RBM12B: variants seen among roughly 807,000 people sequenced by gnomAD.
The protein encoded by RBM12B is RNA-binding protein 12B.
RBM12B carries 10 observed loss-of-function variants against 34.3 expected under a neutral mutation model. The ratio of observed to expected loss-of-function variants is 0.29; its 90% confidence interval spans 0.18 to 0.49. RBM12B has a LOEUF of 0.49. Among genes scored for constraint, RBM12B ranks in the 20% least tolerant of loss-of-function variants. The probability of loss-of-function intolerance (pLI) is 0.99; values close to 1 mark genes in which losing one functional copy is unlikely to be tolerated. For missense variants in RBM12B, 1,139 were observed against 1,262.7 expected (o/e 0.90, Z 1.48); for synonymous variants, 477 against 437.1 (o/e 1.09, Z -1.14).
chr8:93,730,492 G>A lies in RBM12B; in HGVS notation c.*2913C>T, dbSNP rs1023013082. The A allele has an allele frequency of 6.6e-6, 1 of 152,200 alleles. No individual in the cohort carries two copies. The highest frequency in any genetic ancestry group is 2.4e-5 in the African/African-American group (1 of 41,450). The allele number at this position is 152,200 out of a possible 1,614,324, so 9.4% of individuals were successfully genotyped here. ...ACCTCCAGTGTACCTGGTATACCTT[G>A]AGGATAGGAGAGGAAAAACTGGCTA... On this transcript the variant is annotated 3_prime_UTR_variant, in exon 4 of 4. Coordinates refer to ENST00000520560, the MANE Select transcript of RBM12B (RefSeq NM_001377960.1).
intron 2 of RBM12B, 51 bp downstream of exon 2, chr8:93,740,578 C>G (rs1414607576): frequency 6.6e-6 from 3 of 451,446 alleles, no homozygotes; most frequent in South Asian, 4.7e-5. Flanking sequence ...GGGCCTGCAG[C>G]GCTTTTCTGC....
chr8:93,735,633 T>C lies in RBM12B; in HGVS notation c.778A>G (p.Asn260Asp). 1.2e-6 allele frequency: 2 copies of C among 1,614,106 alleles called. No homozygotes were observed. Among genetic ancestry groups the C allele is most frequent in the Non-Finnish European group, 1.7e-6 (2 of 1,179,960 alleles). Residue 260 changes from asparagine (N) to aspartate (D), a missense_variant, in exon 4 of 4, where the codon AAT becomes GAT. By Grantham distance (23) the Asn-to-Asp change is conservative (BLOSUM62 1). Coordinates refer to ENST00000520560, the MANE Select transcript of RBM12B (RefSeq NM_001377960.1). ...GACCGTTTTCGAAAATGTCTATCAT[T>C]AATTCCTCTTGGTGGAGAATGTTCT... ...SEEHSPPRGI[N>D]DRHFRKRSHS...
Position 93,730,431 on chromosome 8 carries a change from A to G in RBM12B, c.*2974T>C, listed in dbSNP as rs1286591333. The G allele has an allele frequency of 6.6e-6, 1 of 152,220 alleles. No homozygotes were observed. The highest frequency in any genetic ancestry group is 1.9e-4 in the East Asian group (1 of 5,200). The allele number at this position is 152,220 out of a possible 1,614,324, so 9.4% of individuals were successfully genotyped here. A position where few individuals can be genotyped will look rare whatever the true frequency, so the allele number is the denominator to read the frequency against. ...TTTCTAGACAAAAATGTTTGGCTTT[A>G]AGACAAATGCCACTGGGTATCAGGC... On this transcript the variant is annotated 3_prime_UTR_variant, in exon 4 of 4. Transcript: ENST00000520560.
chr8:93,729,534 C>T lies in RBM12B; in HGVS notation c.*3871G>A, dbSNP rs1811704643. The T allele has an allele frequency of 6.6e-6, 1 of 152,160 alleles. No individual in the cohort carries two copies. The highest frequency in any genetic ancestry group is 2.4e-5 in the African/African-American group (1 of 41,448). 9.4% of individuals were successfully genotyped at this position (152,160 alleles called of 1,614,324 possible). On this transcript the variant is annotated 3_prime_UTR_variant, in exon 4 of 4. Coordinates refer to ENST00000520560, the MANE Select transcript of RBM12B (RefSeq NM_001377960.1). ...ATTTGCCTTGTTTGTAAAGTTAAAACTGCGTAAAACAGTAATTCTGGAATA... is the reference window on the plus strand; with the variant it reads ...ATTTGCCTTGTTTGTAAAGTTAAAATTGCGTAAAACAGTAATTCTGGAATA...
In RBM12B at chr8:93,733,987, A is replaced by C; in HGVS notation, c.2424T>G (p.Asp808Glu). ...SREEDFRHPP[D>E]EDFRGPPDED... ...CATCAGGAGGGCCCCTGAAGTCTTC[A>C]TCTGGTGGGTGCCTGAAATCTTCCT... The change falls in exon 4 of 4, where the codon GAT (aspartate) becomes GAG (glutamate). Residue 808 changes from aspartate to glutamate, a missense_variant. This residue lies in a region of RBM12B where 863 missense variants were observed against 869.5 expected (regional missense o/e 0.99). Coordinates refer to ENST00000520560, the MANE Select transcript of RBM12B (RefSeq NM_001377960.1). 6.2e-7 allele frequency: 1 copy of C among 1,612,278 alleles called. No homozygotes were observed. The highest frequency in any genetic ancestry group is 8.5e-7 in the Non-Finnish European group (1 of 1,179,500).
Position 93,735,088 on chromosome 8 carries a change from C to G in RBM12B, c.1323G>C (p.Leu441=). The G allele has an allele frequency of 3.7e-6, 6 of 1,614,154 alleles. No individual in the cohort carries two copies. Among genetic ancestry groups the G allele is most frequent in the Non-Finnish European group, 5.1e-6 (6 of 1,180,036 alleles). The change falls in exon 4 of 4, where the codon CTG becomes CTC. Residue 441 remains leucine, a synonymous_variant. Transcript: ENST00000520560. ...YLLYDDKGVG[L]GEALVKFKSE... ...ATTTAAATTTCACTAATGCTTCTCC[C>G]AGACCAACACCTTTGTCATCATAAA... is the stretch of plus-strand genomic sequence containing the variant.
At chr8:93,740,517 C>G in intron 2 of RBM12B, 112 bp downstream of exon 2, 1 of 457,150 alleles carries the variant, frequency 2.2e-6, no homozygotes, top group South Asian at 1.5e-5. Flanking sequence ...AGAGGGTGAA[C>G]TGCCCCCAGA....
chr8:93,739,850 C>G (rs1450549667), intron 2 of RBM12B, among the ~76,000 whole-genome samples: 2 of 152,160 alleles, frequency 1.3e-5, no homozygotes, highest in African/African-American at 2.4e-5. Context: ...AACGATTCAT[C>G]CCACTTAATC....
rs775892927 is a variant in RBM12B, at chr8:93,735,939, A to C, written c.472T>G (p.Phe158Val). 2.5e-6 allele frequency: 4 copies of C among 1,614,222 alleles called. No homozygotes were observed. Among genetic ancestry groups the C allele is most frequent in the Non-Finnish European group, 3.4e-6 (4 of 1,180,042 alleles). ...RPLKAENPYL[F>V]LRGLPYLVNE... ...ACTAGGTAAGGCAAACCTCGTAGAA[A>C]CAAGTAAGGATTCTCGGCCTTCAAT... Residue 158 changes from phenylalanine to valine, a missense_variant, in exon 4 of 4, where the codon TTT becomes GTT. Transcript: ENST00000520560.
Position 93,734,843 on chromosome 8 carries a change from GCAC to G in RBM12B, c.1565_1567del (p.Gly522del). On this transcript the variant is annotated inframe_deletion, in exon 4 of 4. Coordinates refer to ENST00000520560, the MANE Select transcript of RBM12B (RefSeq NM_001377960.1). ...TAGCTGATGTCTAAAGTTTTCAAAA[GCAC>G]CAACTGAGTATATTGGTGGGTCTTT... The G allele has an allele frequency of 1.2e-6, 2 of 1,614,164 alleles. No homozygotes were observed. Among genetic ancestry groups the G allele is most frequent in the Non-Finnish European group, 1.7e-6 (2 of 1,180,030 alleles).
chr8:93,735,277 T>G lies in RBM12B; in HGVS notation c.1134A>C (p.Leu378=). ...AAACATGTCCGGGCCTATCTCTCTC[T>G]AGTGACCCTGATCTCTTCTTTTCAT... The part of the protein sequence containing the change: ...ARYEKKRSGS[L]ERDRPGHVSQ... Residue 378 remains leucine (L), a synonymous_variant, in exon 4 of 4, where the codon CTA becomes CTC. Coordinates refer to ENST00000520560, the MANE Select transcript of RBM12B (RefSeq NM_001377960.1). 6.2e-6 allele frequency: 10 copies of G among 1,614,024 alleles called. No homozygotes were observed. The highest frequency in any genetic ancestry group is 8.5e-6 in the Non-Finnish European group (10 of 1,179,996).
chr8:93,731,796 T>C lies in RBM12B; in HGVS notation c.*1609A>G, dbSNP rs1251655920. The C allele has an allele frequency of 2.0e-5, 3 of 152,588 alleles. No individual in the cohort carries two copies. The highest frequency in any genetic ancestry group is 7.2e-5 in the African/African-American group (3 of 41,436). The allele number at this position is 152,588 out of a possible 1,614,324, so 9.5% of individuals were successfully genotyped here. A position where few individuals can be genotyped will look rare whatever the true frequency, so the allele number is the denominator to read the frequency against. On this transcript the variant is annotated 3_prime_UTR_variant, in exon 4 of 4. Transcript: ENST00000520560. ...AATTATAAAAGGCCAAAGTCAATCA[T>C]GTTGAATAAAATAATTTTGAAATAT...
intron 2 of RBM12B, chr8:93,740,212 C>T (rs1210240012): frequency 2.3e-6 from 1 of 437,018 alleles, no homozygotes; most frequent in Non-Finnish European, 4.6e-6. Context: ...CCAATGAGAG[C>T]CACAGTCCCT....
rs758632473 is a variant in RBM12B at position 93,735,886 on chromosome 8, G to A, written c.525C>T (p.Phe175=). The part of the protein sequence containing the change: ...LVNEDDVRVF[F]SGLCVDGVIF... ...TTACTCCATCCACGCACAAACCAGA[G>A]AAAAAGACACGTACATCATCTTCAT... Residue 175 remains phenylalanine, a synonymous_variant, in exon 4 of 4, where the codon TTC becomes TTT. Transcript: ENST00000520560. 12 of 1,613,866 alleles carry A rather than the reference G, an allele frequency of 7.4e-6. No individual in the cohort carries two copies. Among genetic ancestry groups the A allele is most frequent in the Non-Finnish European group, 1.0e-5 (12 of 1,180,030 alleles).
At chr8:93,739,516 G>A (rs1812127016) in intron 2 of RBM12B, among the ~76,000 whole-genome samples, 1 of 152,106 alleles carries the variant, frequency 6.6e-6, no homozygotes. Flanking sequence ...AACACACCTT[G>A]GAGACCAACT....
At position 93,732,004 on chromosome 8, in the gene RBM12B, C is replaced by T. The variant is rs951485548; in HGVS notation, c.*1401G>A. On this transcript the variant is annotated 3_prime_UTR_variant, in exon 4 of 4. Coordinates refer to ENST00000520560, the MANE Select transcript of RBM12B (RefSeq NM_001377960.1). ...TGAAGTGAGAAAATAATCATTTATC[C>T]TTGAAAGTATCTTTAGCATGGTCTT... 2 of 152,024 alleles carry T rather than the reference C, an allele frequency of 1.3e-5. No homozygotes were observed. Among genetic ancestry groups the T allele is most frequent in the African/African-American group, 4.8e-5 (2 of 41,258 alleles). The allele number at this position is 152,024 out of a possible 1,614,324, so 9.4% of individuals were successfully genotyped here. A position where few individuals can be genotyped will look rare whatever the true frequency, so the allele number is the denominator to read the frequency against.
At position 93,735,112 on chromosome 8, in the gene RBM12B, A is replaced by G; in HGVS notation, c.1299T>C (p.Leu433=). 6.2e-7 allele frequency: 1 copy of G among 1,614,150 alleles called. No individual in the cohort carries two copies. Among genetic ancestry groups the G allele is most frequent in the Non-Finnish European group, 8.5e-7 (1 of 1,180,032 alleles). ...FLLAEDDIYL[L]YDDKGVGLGE... ...CCAGACCAACACCTTTGTCATCATA[A>G]AGCAAGTAAATGTCATCCTCAGCAA... Residue 433 remains leucine (L), a synonymous_variant, in exon 4 of 4, where the codon CTT becomes CTC. Coordinates refer to ENST00000520560, the MANE Select transcript of RBM12B (RefSeq NM_001377960.1).
In RBM12B at chr8:93,740,630, T is replaced by C; in HGVS notation, c.-79A>G. On this transcript the variant is annotated splice_region_variant and 5_prime_UTR_variant, in exon 2 of 4. In the 5' UTR this introduces an upstream ATG that the reference lacks. Coordinates refer to ENST00000520560, the MANE Select transcript of RBM12B (RefSeq NM_001377960.1). ...GACATAGCAAAGAAAAAAATATACCTATGAAATCCTTCGAGATCTTCACTC... is the reference window on the plus strand; with the variant it reads ...GACATAGCAAAGAAAAAAATATACCCATGAAATCCTTCGAGATCTTCACTC... 2.5e-6 allele frequency: 1 copy of C among 396,534 alleles called. No individual in the cohort carries two copies. The highest frequency in any genetic ancestry group is 5.0e-6 in the Non-Finnish European group (1 of 199,268). 24.6% of individuals were successfully genotyped at this position (396,534 alleles called of 1,614,324 possible). A position where few individuals can be genotyped will look rare whatever the true frequency, so the allele number is the denominator to read the frequency against.
Position 93,736,103 on chromosome 8 carries a change from A to C in RBM12B, c.308T>G (p.Val103Gly), listed in dbSNP as rs1407478522. ...CTCAATAAAATTAGACAGGCTGTCA[A>C]CCCCTGATGTCCCAGATCCTGGACG... ...RGRPGSGTSG[V>G]DSLSNFIESV... Residue 103 changes from valine to glycine, a missense_variant, in exon 4 of 4, where the codon GTT (valine) becomes GGT (glycine). By Grantham distance (109) the Val-to-Gly change is moderately radical. Coordinates refer to ENST00000520560, the MANE Select transcript of RBM12B (RefSeq NM_001377960.1). 1 of 1,613,964 alleles carries C rather than the reference A, an allele frequency of 6.2e-7. No individual in the cohort carries two copies. The highest frequency in any genetic ancestry group is 1.7e-5 in the Admixed American group (1 of 60,014).
Sources: gnomAD v4.1 joint callset for allele counts (sites outside exome capture counted in the v4.1 genomes callset) on GRCh38, gnomAD v4.1.1 for gene constraint, gnomAD v4.1.1 regional missense constraint, MANE v1.5 for transcripts, NCBI Gene and HGNC (gene_info 2026-07-23, HGNC 2026-07-21) for gene names.